The following SLC24A4 variants were observed in gnomAD, a reference collection of about 807,000 sequenced individuals.
The protein encoded by SLC24A4 is sodium/potassium/calcium exchanger 4.
A neutral mutation model predicts 79.0 loss-of-function variants in SLC24A4; 53 were observed. That is an observed-to-expected ratio of 0.67 (90% CI 0.54 to 0.84). SLC24A4 has a LOEUF of 0.84. SLC24A4 is among the 40% of genes least tolerant of loss of function. The pLI is 0.00. For missense variants in SLC24A4, 731 were observed against 822.0 expected (o/e 0.89, Z 1.35); for synonymous variants, 323 against 323.8 (o/e 1.00, Z 0.03).
chr14:92,372,867 CCCTTCCTTCCTTCCTT>C (rs1276150058), intron 2 of SLC24A4, among the ~76,000 whole-genome samples: 34 of 109,898 alleles, frequency 3.1e-4, no homozygotes, highest in African/African-American at 1.1e-3. Context: ...GGGTCACTGT[CCCTTCCTTCCTTCCTT>C]CCTTCCTTCC....
At chr14:92,424,181 C>T (rs912016910) in intron 2 of SLC24A4, among the ~76,000 whole-genome samples, 1 of 152,144 alleles carries the variant, frequency 6.6e-6, no homozygotes, top group Non-Finnish European at 1.5e-5. Flanking sequence ...ACTTAACTAC[C>T]TACCTCTGCA....
At chr14:92,351,939 G>GAAAGA (rs1886916354) in intron 2 of SLC24A4, among the ~76,000 whole-genome samples, 1 of 151,740 alleles carries the variant, frequency 6.6e-6, no homozygotes, top group Non-Finnish European at 1.5e-5. Context: ...GAAAGGAAAG[G>GAAAGA]AAAAGAAAGG....
At chr14:92,453,699 A>G in intron 10 of SLC24A4, 1 of 529,416 alleles carries the variant, frequency 1.9e-6, no homozygotes, top group Non-Finnish European at 3.3e-6. Context: ...TTCACACACT[A>G]GGTCAGCAGG....
intron 2 of SLC24A4, among the ~76,000 whole-genome samples, chr14:92,329,946 A>G (rs1013004587): frequency 6.6e-6 from 1 of 152,228 alleles, no homozygotes; most frequent in African/African-American, 2.4e-5. Context: ...GATCACCTCA[A>G]GAGCTTTATA....
chr14:92,346,334 G>A (rs1476966992), intron 2 of SLC24A4, among the ~76,000 whole-genome samples: 2 of 152,166 alleles, frequency 1.3e-5, no homozygotes, highest in African/African-American at 4.8e-5. Context: ...TTTTCCGTCT[G>A]TAAACTGGAA....
At chr14:92,445,912 C>T (rs1284804512) in intron 8 of SLC24A4, among the ~76,000 whole-genome samples, 1 of 152,188 alleles carries the variant, frequency 6.6e-6, no homozygotes, top group Non-Finnish European at 1.5e-5. Flanking sequence ...AATTAAGATA[C>T]ATAGCCAGGC....
intron 2 of SLC24A4, among the ~76,000 whole-genome samples, chr14:92,396,239 G>A (rs1365577067): frequency 2.0e-5 from 3 of 152,200 alleles, no homozygotes; most frequent in Non-Finnish European, 2.9e-5. Context: ...AGGGTAAAGC[G>A]AGCCATATTT....
chr14:92,456,150 C>T (rs778123452), intron 11 of SLC24A4, among the ~76,000 whole-genome samples: 7 of 152,196 alleles, frequency 4.6e-5, no homozygotes, highest in Non-Finnish European at 8.8e-5. Context: ...GCTGGGTTGT[C>T]GAGCTGGCAG....
chr14:92,414,705 A>G (rs747687018), intron 2 of SLC24A4, among the ~76,000 whole-genome samples: 1 of 152,194 alleles, frequency 6.6e-6, no homozygotes, highest in African/African-American at 2.4e-5. Flanking sequence ...GCACCACCAC[A>G]CTTCAGCTTG....
At chr14:92,338,548 G>A (rs1885946103) in intron 2 of SLC24A4, among the ~76,000 whole-genome samples, 2 of 152,284 alleles carry the variant, frequency 1.3e-5, no homozygotes, top group East Asian at 3.9e-4. Context: ...ACACCACCCC[G>A]CCAACATACC....
At chr14:92,439,244 G>T in intron 3 of SLC24A4, 91 bp from the exon 4 acceptor site, 2 of 1,085,766 alleles carry the variant, frequency 1.8e-6, no homozygotes. Context: ...CCTGGCCTCT[G>T]CCCTGGCAGC....
chr14:92,493,783 G>T lies in SLC24A4; in HGVS notation c.*155G>T. Reference sequence around the variant, plus strand: ...GAAGAGCCATCGTGGTCTTTGTCTGGCCACAGGCCAGGCTGCTGGGCATCC... The same window carrying T: ...GAAGAGCCATCGTGGTCTTTGTCTGTCCACAGGCCAGGCTGCTGGGCATCC... On this transcript the variant is annotated 3_prime_UTR_variant, in exon 17 of 17. Transcript: ENST00000532405. The T allele has an allele frequency of 3.3e-6, 3 of 906,750 alleles. No individual in the cohort carries two copies. Among genetic ancestry groups the T allele is most frequent in the Non-Finnish European group, 4.9e-6 (3 of 614,148 alleles). The allele number at this position is 906,750 out of a possible 1,614,324, so 56.2% of individuals were successfully genotyped here. A position where few individuals can be genotyped will look rare whatever the true frequency, so the allele number is the denominator to read the frequency against.
chr14:92,456,315 G>C, intron 11 of SLC24A4, 89 bp from the exon 12 acceptor site: 1 of 1,342,470 alleles, frequency 7.4e-7, no homozygotes, highest in South Asian at 1.2e-5. Flanking sequence ...ACCTGTAAGA[G>C]CAGGGTGCGT....
chr14:92,401,942 A>G (rs1890137355), intron 2 of SLC24A4, among the ~76,000 whole-genome samples: 1 of 152,172 alleles, frequency 6.6e-6, no homozygotes, highest in South Asian at 2.1e-4. Flanking sequence ...TCCTCTGAAC[A>G]CCAATGTCAG....
intron 2 of SLC24A4, among the ~76,000 whole-genome samples, chr14:92,414,519 T>C (rs1158655756): frequency 1.3e-5 from 2 of 152,188 alleles, no homozygotes; most frequent in African/African-American, 4.8e-5. Context: ...GAGGATCCGT[T>C]AAGTCCCGGA....
chr14:92,326,460 G>A (rs1294582704), intron 2 of SLC24A4, among the ~76,000 whole-genome samples: 1 of 149,852 alleles, frequency 6.7e-6, no homozygotes, highest in African/African-American at 2.4e-5. Context: ...TCTCTCAAAT[G>A]GGAGTCGGCA....
chr14:92,345,173 A>T (rs1886454060), intron 2 of SLC24A4, among the ~76,000 whole-genome samples: 2 of 152,208 alleles, frequency 1.3e-5, no homozygotes, highest in African/African-American at 4.8e-5. Flanking sequence ...CCTGCCTTGC[A>T]CATCAACCAG....
intron 2 of SLC24A4, among the ~76,000 whole-genome samples, chr14:92,404,401 A>C (rs1339075540): frequency 6.6e-6 from 1 of 152,182 alleles, no homozygotes; most frequent in African/African-American, 2.4e-5. Context: ...CTTTGTGACT[A>C]ACCATCCCCC....
intron 2 of SLC24A4, among the ~76,000 whole-genome samples, chr14:92,419,793 G>A (rs1032303718): frequency 2.0e-5 from 3 of 152,200 alleles, no homozygotes; most frequent in African/African-American, 7.2e-5. Flanking sequence ...GGTCAATCAA[G>A]TCAACACATA....
Sources: gnomAD v4.1 joint callset for allele counts (sites outside exome capture counted in the v4.1 genomes callset) on GRCh38, gnomAD v4.1.1 for gene constraint, MANE v1.5 for transcripts, NCBI Gene and HGNC (gene_info 2026-07-23, HGNC 2026-07-21) for gene names.